KIRREL3: variants seen among roughly 807,000 people sequenced by gnomAD.
KIRREL3 encodes the protein kirre like nephrin family adhesion molecule 3.
A neutral mutation model predicts 89.7 loss-of-function variants in KIRREL3; 36 were observed. That is an observed-to-expected ratio of 0.40 (90% CI 0.31 to 0.53). KIRREL3 has a LOEUF of 0.53. KIRREL3 is among the 20% of genes least tolerant of loss of function. KIRREL3 has a pLI of 0.49. For missense variants in KIRREL3, 864 were observed against 1,056.6 expected (o/e 0.82, Z 2.53); for synonymous variants, 445 against 441.4 (o/e 1.01, Z -0.10).
chr11:126,939,076 T>C (rs1948325936), intron 1 of KIRREL3, among the ~76,000 whole-genome samples: 1 of 152,228 alleles, frequency 6.6e-6, no homozygotes, highest in Non-Finnish European at 1.5e-5. Context: ...TGATGCCTGT[T>C]GTTATCAATG....
chr11:126,456,901 C>T (rs574790735), intron 6 of KIRREL3, among the ~76,000 whole-genome samples: 70 of 152,280 alleles, frequency 4.6e-4, no homozygotes, highest in African/African-American at 1.5e-3. Flanking sequence ...AACTTGAAAG[C>T]GGCATTTACA....
intron 1 of KIRREL3, chr11:126,992,508 G>C (rs1378889244): frequency 1.3e-5 from 2 of 152,250 alleles, no homozygotes; most frequent in African/African-American, 4.8e-5. Flanking sequence ...TTCCTGAAGA[G>C]AACAGGCCAA....
chr11:126,633,985 G>C (rs1176521617), intron 1 of KIRREL3, among the ~76,000 whole-genome samples: 1 of 152,214 alleles, frequency 6.6e-6, no homozygotes, highest in African/African-American at 2.4e-5. Context: ...TCTTCAGAAA[G>C]TACAGCGTAG....
Position 126,653,181 on chromosome 11 carries a change from G to C in KIRREL3, c.56-90269C>G, listed in dbSNP as rs1565622048. ...AGAATGATGGAATAACTAGGCAAGT[G>C]AGAGAGGCAGACAGTGCACTATCTA... On this transcript the variant is annotated intron_variant, in intron 1 of 16. Transcript: ENST00000525144. The surrounding 1 kb of genome is among the most constrained non-coding windows in gnomAD (Gnocchi z 5.4). 6.6e-6 allele frequency among the ~76,000 whole-genome samples: 1 copy of C among 152,238 alleles called. No individual in the cohort carries two copies. Among genetic ancestry groups the C allele is most frequent in the South Asian group, 2.1e-4 (1 of 4,834 alleles).
At position 126,734,793 on chromosome 11, in the gene KIRREL3, G is replaced by A. The variant is rs1176340818; in HGVS notation, c.56-171881C>T. ...GAATCACAGTGGTGGAGACTGATGAGCAGGTCAGAGAAGTTTTCGTTGGAG... is the reference window on the plus strand; with the variant it reads ...GAATCACAGTGGTGGAGACTGATGAACAGGTCAGAGAAGTTTTCGTTGGAG... On this transcript the variant is annotated intron_variant, in intron 1 of 16. Transcript: ENST00000525144. This position sits in a 1 kb window ranked among gnomAD's most constrained non-coding sequence, Gnocchi z 5.9. Among the ~76,000 whole-genome samples, 2 of 152,194 alleles carry A rather than the reference G, an allele frequency of 1.3e-5. No individual in the cohort carries two copies. Among genetic ancestry groups the A allele is most frequent in the South Asian group, 2.1e-4 (1 of 4,828 alleles).
rs899209304 is a variant in KIRREL3, at chr11:126,987,706, T to C, written c.55+12749A>G. On this transcript the variant is annotated intron_variant, in intron 1 of 16. Transcript: ENST00000525144. This position sits in a 1 kb window ranked among gnomAD's most constrained non-coding sequence, Gnocchi z 4.6. ...TGAAGTAAAAAGAAGGCATTTGAAG[T>C]ATTCTATGCAGAGATCTATCTTCCT... Among the ~76,000 whole-genome samples, 8 of 152,334 alleles carry C rather than the reference T, an allele frequency of 5.3e-5. No homozygotes were observed. Among genetic ancestry groups the C allele is most frequent in the Non-Finnish European group, 1.0e-4 (7 of 68,030 alleles).
rs911619507 is a variant in KIRREL3, at chr11:126,432,902, GGAGTCTGGCTGT to G, written c.1589-1388_1589-1377del. 6.6e-6 allele frequency among the ~76,000 whole-genome samples: 1 copy of G among 152,120 alleles called. No individual in the cohort carries two copies. The highest frequency in any genetic ancestry group is 1.5e-5 in the Non-Finnish European group (1 of 68,016). ...GTTCACGGTCTTTTATTTTTGGGATGGAGTCTGGCTGTGACACCCAGGCTGGAGGGCAGTGGC... is the reference window on the plus strand; with the variant it reads ...GTTCACGGTCTTTTATTTTTGGGATGGACACCCAGGCTGGAGGGCAGTGGC... On this transcript the variant is annotated intron_variant, in intron 13 of 16. Transcript: ENST00000525144. This position sits in a 1 kb window ranked among gnomAD's most constrained non-coding sequence, Gnocchi z 6.2.
rs1051452828 is a variant in KIRREL3, at chr11:126,917,843, T to A, written c.55+82612A>T. On this transcript the variant is annotated intron_variant, in intron 1 of 16. Coordinates refer to ENST00000525144, the MANE Select transcript of KIRREL3 (RefSeq NM_032531.4). The surrounding 1 kb of genome is among the most constrained non-coding windows in gnomAD (Gnocchi z 5.0). Reference sequence around the variant, plus strand: ...GAGGTGGCGTTTCTGAAGAACGAGATGGTAAAAACAGTGGCATTTCTGTTC... The same window carrying A: ...GAGGTGGCGTTTCTGAAGAACGAGAAGGTAAAAACAGTGGCATTTCTGTTC... Among the ~76,000 whole-genome samples, 1 of 152,182 alleles carries A rather than the reference T, an allele frequency of 6.6e-6. No individual in the cohort carries two copies. Among genetic ancestry groups the A allele is most frequent in the Non-Finnish European group, 1.5e-5 (1 of 68,038 alleles).
At position 126,651,348 on chromosome 11, in the gene KIRREL3, A is replaced by T. The variant is rs1231699319; in HGVS notation, c.56-88436T>A. Among the ~76,000 whole-genome samples, 1 of 152,214 alleles carries T rather than the reference A, an allele frequency of 6.6e-6. No homozygotes were observed. Among genetic ancestry groups the T allele is most frequent in the African/African-American group, 2.4e-5 (1 of 41,454 alleles). ...ATCTTCCCCAAATCTCACAAATTCC[A>T]GTGATAAACTCCACTCCATGTCTCA... On this transcript the variant is annotated intron_variant, in intron 1 of 16. Coordinates refer to ENST00000525144, the MANE Select transcript of KIRREL3 (RefSeq NM_032531.4). This position sits in a 1 kb window ranked among gnomAD's most constrained non-coding sequence, Gnocchi z 4.6.
At chr11:126,856,555 GTATATA>G (rs36218965) in intron 1 of KIRREL3, among the ~76,000 whole-genome samples, 1,805 of 136,478 alleles carry the variant, frequency 0.013, 25 homozygotes, top group Middle Eastern at 0.021. Flanking sequence ...ATTTTTCTAA[GTATATA>G]TATATATATA....
rs955928051 is a variant in KIRREL3, at chr11:126,797,238, C to G, written c.55+203217G>C. ...GGACCAATTTGAATTTAGATCCCAC[C>G]TCTGCCACTTATTGACCTCTCTGAG... is the stretch of plus-strand genomic sequence containing the variant. On this transcript the variant is annotated intron_variant, in intron 1 of 16. Coordinates refer to ENST00000525144, the MANE Select transcript of KIRREL3 (RefSeq NM_032531.4). This position sits in a 1 kb window ranked among gnomAD's most constrained non-coding sequence, Gnocchi z 4.9. 6.6e-6 allele frequency among the ~76,000 whole-genome samples: 1 copy of G among 152,184 alleles called. No homozygotes were observed. Among genetic ancestry groups the G allele is most frequent in the Non-Finnish European group, 1.5e-5 (1 of 68,036 alleles).
rs1269633352 is a variant in KIRREL3, at chr11:126,553,159, A to G, written c.133+9676T>C. On this transcript the variant is annotated intron_variant, in intron 2 of 16. Coordinates refer to ENST00000525144, the MANE Select transcript of KIRREL3 (RefSeq NM_032531.4). The surrounding 1 kb of genome is among the most constrained non-coding windows in gnomAD (Gnocchi z 4.7). The stretch of plus-strand genomic sequence containing the variant: ...TATTTCTCTATCAAATTCTTACTCT[A>G]AGGAGATCTCTCTGACCATTGCTGG... Among the ~76,000 whole-genome samples the G allele has an allele frequency of 1.3e-5, 2 of 152,210 alleles. No homozygotes were observed. Among genetic ancestry groups the G allele is most frequent in the Non-Finnish European group, 2.9e-5 (2 of 68,034 alleles).
rs976914514 is a variant in KIRREL3, at chr11:126,490,121, G to A, written c.434-16655C>T. On this transcript the variant is annotated intron_variant, in intron 4 of 16. Transcript: ENST00000525144. This position sits in a 1 kb window ranked among gnomAD's most constrained non-coding sequence, Gnocchi z 4.2. The stretch of plus-strand genomic sequence containing the variant: ...CAGTTAGCTCCCATGATGGGCATTC[G>A]TGTTTGTGGCCAGAGGCATACATAA... Among the ~76,000 whole-genome samples the A allele has an allele frequency of 1.1e-4, 16 of 150,508 alleles. No individual in the cohort carries two copies. The highest frequency in any genetic ancestry group is 3.4e-4 in the African/African-American group (14 of 40,832).
At chr11:126,984,834 C>T (rs189352018) in intron 1 of KIRREL3, among the ~76,000 whole-genome samples, 209 of 152,276 alleles carry the variant, frequency 1.4e-3, no homozygotes, top group African/African-American at 4.7e-3. Flanking sequence ...ACATACTCTT[C>T]GGGGGCAGGA....
At position 126,906,225 on chromosome 11, in the gene KIRREL3, A is replaced by G. The variant is rs1946576326; in HGVS notation, c.55+94230T>C. Reference sequence around the variant, plus strand: ...CTGACAGCTCCCTTTCTGCGGGCTGACTGCTCAAGAAGCAAGATGTTCAAA... The same window carrying G: ...CTGACAGCTCCCTTTCTGCGGGCTGGCTGCTCAAGAAGCAAGATGTTCAAA... On this transcript the variant is annotated intron_variant, in intron 1 of 16. Coordinates refer to ENST00000525144, the MANE Select transcript of KIRREL3 (RefSeq NM_032531.4). The surrounding 1 kb of genome is among the most constrained non-coding windows in gnomAD (Gnocchi z 4.1). 6.6e-6 allele frequency among the ~76,000 whole-genome samples: 1 copy of G among 152,178 alleles called. No homozygotes were observed. The highest frequency in any genetic ancestry group is 6.5e-5 in the Admixed American group (1 of 15,286).
At chr11:126,885,786 G>C (rs1940000) in intron 1 of KIRREL3, among the ~76,000 whole-genome samples, 93,734 of 151,950 alleles carry the variant, frequency 0.62, 30,443 homozygotes, top group African/African-American at 0.82. Flanking sequence ...ATGCCCCACT[G>C]TGCTGTCTAA....
intron 1 of KIRREL3, among the ~76,000 whole-genome samples, chr11:126,592,837 G>T (rs1385756214): frequency 1.3e-5 from 2 of 152,216 alleles, no homozygotes; most frequent in Admixed American, 1.3e-4. Context: ...AGGGCTGGGA[G>T]CAAGACACTC....
rs1949934995 is a variant in KIRREL3, at chr11:126,768,979, T to A, written c.56-206067A>T. Among the ~76,000 whole-genome samples, 1 of 152,208 alleles carries A rather than the reference T, an allele frequency of 6.6e-6. No individual in the cohort carries two copies. Among genetic ancestry groups the A allele is most frequent in the Non-Finnish European group, 1.5e-5 (1 of 68,042 alleles). ...TGTGTCTCAACATCTTTTTACATGA[T>A]CACGACTTGCAGTTTCCCAAATACA... On this transcript the variant is annotated intron_variant, in intron 1 of 16. Coordinates refer to ENST00000525144, the MANE Select transcript of KIRREL3 (RefSeq NM_032531.4). The surrounding 1 kb of genome is among the most constrained non-coding windows in gnomAD (Gnocchi z 4.5).
Position 126,999,741 on chromosome 11 carries a change from G to T in KIRREL3, c.55+714C>A, listed in dbSNP as rs1301960655. Among the ~76,000 whole-genome samples, 1 of 152,208 alleles carries T rather than the reference G, an allele frequency of 6.6e-6. No individual in the cohort carries two copies. The highest frequency in any genetic ancestry group is 2.4e-5 in the African/African-American group (1 of 41,456). Reference sequence around the variant, plus strand: ...TGGCAAGGAGCCTAGAGGTGGCAAAGTTCTTTCCGGAGAGTCCACCTGCTT... The same window carrying T: ...TGGCAAGGAGCCTAGAGGTGGCAAATTTCTTTCCGGAGAGTCCACCTGCTT... On this transcript the variant is annotated intron_variant, in intron 1 of 16. Transcript: ENST00000525144. The surrounding 1 kb of genome is among the most constrained non-coding windows in gnomAD (Gnocchi z 5.7).
Sources: gnomAD v4.1 joint callset for allele counts (sites outside exome capture counted in the v4.1 genomes callset) on GRCh38, gnomAD v4.1.1 for gene constraint, Gnocchi (gnomAD v3.1) non-coding constraint, MANE v1.5 for transcripts, NCBI Gene and HGNC (gene_info 2026-07-23, HGNC 2026-07-21) for gene names.